UVRAG: variants seen among roughly 807,000 people sequenced by gnomAD.
UVRAG encodes the protein UV radiation resistance associated.
Under a neutral mutation model 78.0 loss-of-function variants are expected in UVRAG, and 19 were observed. That is an observed-to-expected ratio of 0.24 (90% CI 0.17 to 0.36). The LOEUF (loss-of-function observed/expected upper bound fraction) is 0.36, where lower values mean the gene tolerates loss of function less well. Ranked by LOEUF, UVRAG falls within the 10% of genes least tolerant of loss-of-function variation. The pLI, the probability that UVRAG is intolerant of heterozygous loss-of-function variation, is 1.00. For synonymous variants in UVRAG, 323 were observed against 324.6 expected, an observed-to-expected ratio of 1.00 and a Z score of 0.05; for missense variants, 740 against 853.8, an observed-to-expected ratio of 0.87 and a Z score of 1.66.
At chr11:76,133,415 T>C (rs1407052481) in intron 14 of UVRAG, among the ~76,000 whole-genome samples, 2 of 152,144 alleles carry the variant, frequency 1.3e-5, no homozygotes, top group Admixed American at 1.3e-4. Context: ...TTGTTTTCTC[T>C]TTCCCAATCT....
chr11:75,861,642 A>G (rs1467822854), intron 2 of UVRAG, 104 bp from the exon 3 acceptor site: 1 of 722,078 alleles, frequency 1.4e-6, no homozygotes, highest in Non-Finnish European at 2.3e-6. Flanking sequence ...AAATATTTTA[A>G]ATGTTTTACT....
chr11:76,084,691 A>G (rs565659891), intron 13 of UVRAG, among the ~76,000 whole-genome samples: 35 of 152,154 alleles, frequency 2.3e-4, no homozygotes, highest in Non-Finnish European at 4.4e-4. Flanking sequence ...TGAATATACT[A>G]TACTAGGCTC....
chr11:75,924,262 G>C (rs1948040165), intron 6 of UVRAG, among the ~76,000 whole-genome samples: 1 of 152,018 alleles, frequency 6.6e-6, no homozygotes, highest in Non-Finnish European at 1.5e-5. Context: ...AAGATGATTA[G>C]TACTAACCTT....
At chr11:75,897,274 T>C (rs1267918979) in intron 5 of UVRAG, among the ~76,000 whole-genome samples, 2 of 152,204 alleles carry the variant, frequency 1.3e-5, no homozygotes, top group East Asian at 3.8e-4. Flanking sequence ...TTTATATTTT[T>C]CAATTTGTTC....
intron 6 of UVRAG, among the ~76,000 whole-genome samples, chr11:75,933,383 A>C (rs1948285657): frequency 6.6e-6 from 1 of 152,202 alleles, no homozygotes; most frequent in South Asian, 2.1e-4. Context: ...CATGAATCTA[A>C]GACCTAAAAC....
rs767354939 is a variant in UVRAG at position 76,140,884 on chromosome 11, A to G, written c.1571A>G (p.Asn524Ser). The change falls in exon 15 of 15, where the codon AAC becomes AGC. Residue 524 changes from asparagine to serine, a missense_variant. Coordinates refer to ENST00000356136, the MANE Select transcript of UVRAG (RefSeq NM_003369.4). ...LQYKTPPPSY[N>S]SALAQPVTTV... ...TACAAAACCCCTCCTCCCAGTTACA[A>G]CTCAGCATTAGCCCAGCCTGTGACC... is the stretch of plus-strand genomic sequence containing the variant. 40 of 1,614,014 alleles carry G rather than the reference A, an allele frequency of 2.5e-5. No homozygotes were observed. In the South Asian group the frequency reaches 4.3e-4, roughly 17 times the overall value.
intron 1 of UVRAG, among the ~76,000 whole-genome samples, chr11:75,844,675 TTTC>T (rs1412161795): frequency 1.0e-3 from 115 of 113,748 alleles, no homozygotes; most frequent in African/African-American, 3.5e-3. Context: ...TCTCTTTTCT[TTTC>T]TTTTTTTTTT....
intron 3 of UVRAG, among the ~76,000 whole-genome samples, chr11:75,873,189 C>G (rs996817281): frequency 6.6e-6 from 1 of 152,092 alleles, no homozygotes; most frequent in African/African-American, 2.4e-5. Context: ...TTTTTATTCT[C>G]TATTTATAAA....
intron 13 of UVRAG, among the ~76,000 whole-genome samples, chr11:76,094,484 G>A (rs181513070): frequency 1.3e-5 from 2 of 152,252 alleles, no homozygotes; most frequent in East Asian, 3.9e-4. Context: ...AATCCGTCTG[G>A]TCCTGGACTT....
At chr11:75,893,345 C>T (rs1481877563) in intron 5 of UVRAG, among the ~76,000 whole-genome samples, 1 of 151,766 alleles carries the variant, frequency 6.6e-6, no homozygotes, top group Non-Finnish European at 1.5e-5. Context: ...AAGATGGGCT[C>T]TTCAGGGTAA....
intron 1 of UVRAG, among the ~76,000 whole-genome samples, chr11:75,817,326 C>A (rs1471723399): frequency 6.6e-6 from 1 of 152,160 alleles, no homozygotes; most frequent in Non-Finnish European, 1.5e-5. Context: ...TTCATGGAGC[C>A]TATTCTCTGA....
chr11:76,079,434 A>G (rs938710397), intron 13 of UVRAG, among the ~76,000 whole-genome samples: 1 of 151,876 alleles, frequency 6.6e-6, no homozygotes, highest in East Asian at 1.9e-4. Flanking sequence ...TTAGTGAGCT[A>G]TGATTGTGCC....
At chr11:75,889,497 T>C (rs1372670780) in intron 5 of UVRAG, among the ~76,000 whole-genome samples, 1 of 152,226 alleles carries the variant, frequency 6.6e-6, no homozygotes, top group Admixed American at 6.5e-5. Flanking sequence ...CTTCGTAGGT[T>C]CACCCATCTA....
At chr11:75,898,689 C>T (rs1490813084) in intron 5 of UVRAG, among the ~76,000 whole-genome samples, 1 of 152,066 alleles carries the variant, frequency 6.6e-6, no homozygotes, top group African/African-American at 2.4e-5. Context: ...AGGTTTCTTC[C>T]ATCATTTAAT....
chr11:75,904,465 T>G (rs1373906129), intron 5 of UVRAG, among the ~76,000 whole-genome samples: 2 of 152,226 alleles, frequency 1.3e-5, no homozygotes, highest in Non-Finnish European at 2.9e-5. Flanking sequence ...CTGGTGAAGT[T>G]AGATGTCATT....
chr11:76,106,648 G>A (rs184703690), intron 13 of UVRAG, among the ~76,000 whole-genome samples: 32 of 152,220 alleles, frequency 2.1e-4, no homozygotes, highest in South Asian at 2.1e-4. Flanking sequence ...GATTACAAGC[G>A]TGAGCCACCA....
At chr11:76,044,542 C>T (rs985815458) in intron 12 of UVRAG, among the ~76,000 whole-genome samples, 2 of 152,162 alleles carry the variant, frequency 1.3e-5, no homozygotes, top group African/African-American at 2.4e-5. Context: ...GAGGCTGAGG[C>T]GGGCAGATTG....
intron 6 of UVRAG, among the ~76,000 whole-genome samples, chr11:75,945,305 T>C (rs1042819942): frequency 2.0e-5 from 3 of 152,056 alleles, no homozygotes; most frequent in African/African-American, 7.2e-5. Flanking sequence ...AAGGCCTCTA[T>C]ATACAAAGTA....
intron 1 of UVRAG, among the ~76,000 whole-genome samples, chr11:75,846,237 G>A (rs534065276): frequency 6.6e-6 from 1 of 152,268 alleles, no homozygotes; most frequent in African/African-American, 2.4e-5. Context: ...TAGGCTAAAA[G>A]TGTTATTAAG....
Sources: gnomAD v4.1 joint callset for allele counts (sites outside exome capture counted in the v4.1 genomes callset) on GRCh38, gnomAD v4.1.1 for gene constraint, MANE v1.5 for transcripts, NCBI Gene and HGNC (gene_info 2026-07-23, HGNC 2026-07-21) for gene names.